Variants in AHSA1 observed in about 807,000 individuals in gnomAD.
AHSA1 encodes the protein activator of 90 kDa heat shock protein ATPase homolog 1.
A neutral mutation model predicts 46.1 loss-of-function variants in AHSA1; 14 were observed. The ratio of observed to expected loss-of-function variants is 0.30; its 90% CI spans 0.20 to 0.47. The LOEUF (loss-of-function observed/expected upper bound fraction) is 0.47, where lower values mean the gene tolerates loss of function less well. Among genes scored for constraint, AHSA1 ranks in the 20% least tolerant of loss-of-function variants. The probability of loss-of-function intolerance (pLI) is 0.99; values close to 1 mark genes in which losing one functional copy is unlikely to be tolerated. For missense variants in AHSA1, 333 were observed against 415.9 expected, an observed-to-expected ratio of 0.80 and a Z score of 1.73; for synonymous variants, 147 against 145.8, an observed-to-expected ratio of 1.01 and a Z score of -0.06.
chr14:77,469,182 A>G lies in AHSA1; in HGVS notation c.950A>G (p.Gln317Arg). ...GCTCCTGAGGAAGAGCGGACGCGAC[A>G]GGGCTGGCAGCGGTACTACTTTGAG... ...IPAPEEERTR[Q>R]GWQRYYFEGI... The change falls in exon 9 of 9, where the codon CAG becomes CGG. Residue 317 changes from glutamine to arginine, a missense_variant. Transcript: ENST00000216479. The G allele has an allele frequency of 6.2e-7, 1 of 1,614,058 alleles. No individual in the cohort carries two copies. The highest frequency in any genetic ancestry group is 8.5e-7 in the Non-Finnish European group (1 of 1,180,002).
chr14:77,461,627 C>A (rs10148427), intron 2 of AHSA1, among the ~76,000 whole-genome samples: 2,681 of 152,214 alleles, frequency 0.018, 69 homozygotes, highest in African/African-American at 0.057. Context: ...ACATTACACT[C>A]GTTGAGGATG....
chr14:77,468,735 T>TTTTTTTTTTTC, intron 8 of AHSA1: 1 of 498,012 alleles, frequency 2.0e-6, no homozygotes, highest in Non-Finnish European at 3.5e-6. Context: ...TTTTTTTTTT[T>TTTTTTTTTTTC]TTTTTTTTTT....
Position 77,468,050 on chromosome 14 carries a change from T to C in AHSA1, c.691-33T>C, listed in dbSNP as rs973045990. On this transcript the variant is annotated intron_variant, in intron 6 of 8. Coordinates refer to ENST00000216479, the MANE Select transcript of AHSA1 (RefSeq NM_012111.3). Reference sequence around the variant, plus strand: ...CACTGAAAGCCATGTATCTTCTGCCTCTTTTTTTTTTTTTTTTTTTTTTTC... The same window carrying C: ...CACTGAAAGCCATGTATCTTCTGCCCCTTTTTTTTTTTTTTTTTTTTTTTC... 2.2e-5 allele frequency: 14 copies of C among 641,168 alleles called. 1 individual carries two copies. In the South Asian group the frequency reaches 3.0e-4, roughly 14 times the overall value. The allele number at this position is 641,168 out of a possible 1,614,324, so 39.7% of individuals were successfully genotyped here.
chr14:77,462,206 C>T lies in AHSA1; in HGVS notation c.318C>T (p.Pro106=). 1 of 1,613,862 alleles carries T rather than the reference C, an allele frequency of 6.2e-7. No homozygotes were observed. Among genetic ancestry groups the T allele is most frequent in the Non-Finnish European group, 8.5e-7 (1 of 1,179,768 alleles). ...AATACAAAGGACATGTGGAGATCCC[C>T]AATTTGTCTGATGAAAACAGCGTGG... ...GVQYKGHVEI[P]NLSDENSVDE... is the part of the protein sequence containing the mutation. The change falls in exon 3 of 9, where the codon CCC becomes CCT. Residue 106 remains proline (P), a synonymous_variant. Transcript: ENST00000216479.
At chr14:77,460,987 G>A (rs112985480) in intron 2 of AHSA1, among the ~76,000 whole-genome samples, 15,998 of 149,956 alleles carry the variant, frequency 0.11, 1,015 homozygotes, top group Middle Eastern at 0.31. Flanking sequence ...GTGAAACCCC[G>A]TCTCTACTAA....
At chr14:77,460,100 C>T (rs192956344) in intron 2 of AHSA1, 217 of 412,576 alleles carry the variant, frequency 5.3e-4, no homozygotes, top group African/African-American at 4.1e-3. Context: ...TTCAGACTAG[C>T]TACATGTATC....
At chr14:77,460,447 A>G (rs1723022762) in intron 2 of AHSA1, among the ~76,000 whole-genome samples, 1 of 151,482 alleles carries the variant, frequency 6.6e-6, no homozygotes, top group African/African-American at 2.4e-5. Context: ...CGAAGTGAAC[A>G]GTCATATCAT....
intron 6 of AHSA1, among the ~76,000 whole-genome samples, chr14:77,467,363 C>T (rs1056063675): frequency 2.0e-5 from 3 of 152,090 alleles, no homozygotes; most frequent in Non-Finnish European, 4.4e-5. Context: ...CATGCCACTG[C>T]ACTTCGGCCT....
At chr14:77,468,876 C>T (rs763878861) in intron 8 of AHSA1, 2 of 641,532 alleles carry the variant, frequency 3.1e-6, no homozygotes, top group South Asian at 3.7e-5. Context: ...GCCACCACGC[C>T]CACGTAATTT....
At chr14:77,465,947 G>A (rs1033983056) in intron 6 of AHSA1, among the ~76,000 whole-genome samples, 3 of 151,856 alleles carry the variant, frequency 2.0e-5, no homozygotes, top group African/African-American at 4.8e-5. Flanking sequence ...CTGCCTCAGC[G>A]TCCTGAACAG....
rs150175578 is a variant in AHSA1 at position 77,468,049 on chromosome 14, C to CTTT, written c.691-33_691-32insTTT. The CTTT allele has an allele frequency of 2.4e-3, 1,708 of 723,318 alleles. 280 individuals are homozygous for CTTT. The highest frequency in any genetic ancestry group is 5.9e-3 in the South Asian group (267 of 45,508). The allele number at this position is 723,318 out of a possible 1,614,324, so 44.8% of individuals were successfully genotyped here. On this transcript the variant is annotated intron_variant, in intron 6 of 8. Coordinates refer to ENST00000216479, the MANE Select transcript of AHSA1 (RefSeq NM_012111.3). ...CCACTGAAAGCCATGTATCTTCTGC[C>CTTT]TCTTTTTTTTTTTTTTTTTTTTTTT... is the stretch of plus-strand genomic sequence containing the variant.
intron 4 of AHSA1, chr14:77,463,175 G>C (rs2079033074): frequency 4.9e-6 from 1 of 202,382 alleles, no homozygotes; most frequent in Non-Finnish European, 1.0e-5. Flanking sequence ...AGCTACTCGG[G>C]AGGCTGAGGT....
intron 2 of AHSA1, among the ~76,000 whole-genome samples, chr14:77,461,750 T>C (rs1318526931): frequency 6.6e-6 from 1 of 152,222 alleles, no homozygotes; most frequent in African/African-American, 2.4e-5. Context: ...ATTCACCTAG[T>C]GTTTCTCATG....
chr14:77,462,571 C>G (rs779449561), intron 3 of AHSA1, 71 bp from the exon 4 acceptor site: 15 of 1,398,012 alleles, frequency 1.1e-5, no homozygotes, highest in Non-Finnish European at 1.4e-5. Flanking sequence ...CACCTGATTG[C>G]TCAGCCCCCA....
rs767346004 is a variant in AHSA1, at chr14:77,468,470, A to G, written c.806A>G (p.His269Arg). The stretch of plus-strand genomic sequence containing the variant: ...TGATTATTTTAGGTCCCTGAGAAAC[A>G]TATTGTGATGAAGTGGAGGTTTAAA... ...GEFTDLVPEKHIVMKWRFKSW... is the reference protein window; with the variant it reads ...GEFTDLVPEKRIVMKWRFKSW... Residue 269 changes from histidine to arginine, a missense_variant, in exon 8 of 9, where the codon CAT (histidine) becomes CGT (arginine). Transcript: ENST00000216479. The G allele has an allele frequency of 3.1e-6, 5 of 1,613,390 alleles. No homozygotes were observed. In the South Asian group the frequency reaches 5.5e-5, roughly 18 times the overall value.
chr14:77,468,350 A>G (rs2079057380), intron 7 of AHSA1, 107 bp from the exon 8 acceptor site: 1 of 1,221,934 alleles, frequency 8.2e-7, no homozygotes, highest in Non-Finnish European at 1.2e-6. Flanking sequence ...TGCAAGTAAT[A>G]TAATTGCACA....
chr14:77,465,275 A>G (rs984705064), intron 5 of AHSA1, among the ~76,000 whole-genome samples: 2 of 152,238 alleles, frequency 1.3e-5, no homozygotes, highest in Non-Finnish European at 2.9e-5. Context: ...CTTCAAAAAT[A>G]TCTCAATGAT....
At chr14:77,468,034 C>T (rs1223865768) in intron 6 of AHSA1, 49 bp from the exon 7 acceptor site, 5 of 1,315,042 alleles carry the variant, frequency 3.8e-6, no homozygotes, top group Non-Finnish European at 5.1e-6. Context: ...CCACTGAAAG[C>T]CATGTATCTT....
rs34989956 is a variant in AHSA1 at position 77,468,051 on chromosome 14, C to CTTT, written c.691-11_691-9dup. On this transcript the variant is annotated intron_variant, in intron 6 of 8. Transcript: ENST00000216479. ...ACTGAAAGCCATGTATCTTCTGCCTCTTTTTTTTTTTTTTTTTTTTTTTCC... is the reference window on the plus strand; with the variant it reads ...ACTGAAAGCCATGTATCTTCTGCCTCTTTTTTTTTTTTTTTTTTTTTTTTTTCC... 2,753 of 682,462 alleles carry CTTT rather than the reference C, an allele frequency of 4.0e-3. 8 individuals are homozygous for CTTT. The highest frequency in any genetic ancestry group is 0.013 in the South Asian group (552 of 43,060). 42.3% of individuals were successfully genotyped at this position (682,462 alleles called of 1,614,324 possible). A position where few individuals can be genotyped will look rare whatever the true frequency, so the allele number is the denominator to read the frequency against.
Sources: allele counts gnomAD v4.1 joint callset (sites outside exome capture counted in the v4.1 genomes callset), GRCh38; gene constraint gnomAD v4.1.1; transcripts MANE v1.5; gene names NCBI Gene and HGNC (gene_info 2026-07-23, HGNC 2026-07-21).